Variants in ASNS observed in about 807,000 individuals in gnomAD.
ASNS encodes asparagine synthetase (glutamine-hydrolyzing), also known as asparagine synthetase [glutamine-hydrolyzing].
Under a neutral mutation model 62.6 loss-of-function variants are expected in ASNS, and 37 were observed. That is an observed-to-expected ratio of 0.59 (90% CI 0.45 to 0.78). The LOEUF is 0.78. Ranked by LOEUF, ASNS falls within the 30% of genes least tolerant of loss-of-function variation. ASNS has a pLI of 0.00. For synonymous variants in ASNS, 207 were observed against 237.9 expected (o/e 0.87, Z 1.19); for missense variants, 520 against 682.4 (o/e 0.76, Z 2.65).
At chr7:97,924,152 G>A in the ASNS span, among the ~76,000 whole-genome samples, 1 of 152,054 alleles carries the variant, frequency 6.6e-6, no homozygotes, top group Non-Finnish European at 1.5e-5. Flanking sequence ...AGTACTCCCA[G>A]CACAGTAAGA....
At chr7:97,897,523 A>G in the ASNS span, among the ~76,000 whole-genome samples, 1 of 152,220 alleles carries the variant, frequency 6.6e-6, no homozygotes, top group Non-Finnish European at 1.5e-5. Context: ...AACATCACTA[A>G]TCATCACGGA....
rs1423066539 is a variant in ASNS at position 97,858,422 on chromosome 7, A to G, written c.776-17T>C. ...CCAAGCCCCCTACATGCAAAAGAGG[A>G]AGTGGAAGTGTCCTAGTTATGTGCC... On this transcript the variant is annotated splice_polypyrimidine_tract_variant and intron_variant, in intron 6 of 12. Transcript: ENST00000394308. 6.2e-7 allele frequency: 1 copy of G among 1,613,998 alleles called. No individual in the cohort carries two copies. Among genetic ancestry groups the G allele is most frequent in the Admixed American group, 1.7e-5 (1 of 60,006 alleles).
the ASNS span, among the ~76,000 whole-genome samples, chr7:97,898,190 G>C: frequency 6.6e-6 from 1 of 152,068 alleles, no homozygotes; most frequent in African/African-American, 2.4e-5. Flanking sequence ...TGTCTCCCGC[G>C]TTCAAGTGAT....
chr7:97,888,267 C>G, the ASNS span, among the ~76,000 whole-genome samples: 12 of 152,142 alleles, frequency 7.9e-5, no homozygotes, highest in African/African-American at 2.9e-4. Flanking sequence ...AGCCACCACA[C>G]CCAGCCTCTT....
At chr7:97,891,197 T>C in the ASNS span, among the ~76,000 whole-genome samples, 1 of 152,280 alleles carries the variant, frequency 6.6e-6, no homozygotes, top group Non-Finnish European at 1.5e-5. Flanking sequence ...CAATCAAAGA[T>C]AGAGCTTCTG....
At chr7:97,925,908 A>G in the ASNS span, among the ~76,000 whole-genome samples, 1 of 152,082 alleles carries the variant, frequency 6.6e-6, no homozygotes, top group African/African-American at 2.4e-5. Context: ...GGTCAGACAC[A>G]CCCTGGGATC....
chr7:97,857,635 A>C (rs1157715595), intron 7 of ASNS, among the ~76,000 whole-genome samples: 2 of 150,596 alleles, frequency 1.3e-5, no homozygotes, highest in African/African-American at 2.5e-5. Flanking sequence ...AAAAAAAAAA[A>C]AACGAACAAA....
the ASNS span, chr7:97,912,966 C>T: frequency 6.6e-6 from 1 of 152,054 alleles, no homozygotes; most frequent in South Asian, 2.1e-4. Context: ...AAGAAGAACA[C>T]TTTGCATTCA....
intron 4 of ASNS, chr7:97,863,611 C>G (rs1484540240): frequency 6.6e-6 from 1 of 152,400 alleles, no homozygotes; most frequent in Non-Finnish European, 1.5e-5. Context: ...TTCAAGGCTG[C>G]ACTGAGCTAT....
At chr7:97,909,848 C>T in the ASNS span, among the ~76,000 whole-genome samples, 5 of 151,612 alleles carry the variant, frequency 3.3e-5, no homozygotes, top group South Asian at 2.1e-4. Flanking sequence ...TAACTCATGG[C>T]AAACACAACT....
chr7:97,915,862 C>A, the ASNS span, among the ~76,000 whole-genome samples: 1 of 152,160 alleles, frequency 6.6e-6, no homozygotes. Context: ...GAAATCGAGA[C>A]CCTCTCTGTA....
chr7:97,876,962 A>G (rs546665613), upstream of ASNS, among the ~76,000 whole-genome samples: 75 of 152,202 alleles, frequency 4.9e-4, no homozygotes, highest in Non-Finnish European at 4.7e-4. Flanking sequence ...AAATTCTATC[A>G]CTTTCCTGAG....
the ASNS span, chr7:97,928,372 G>C: frequency 4.0e-5 from 35 of 867,636 alleles, no homozygotes; most frequent in Middle Eastern, 3.4e-4. Context: ...GAGCTGGGGC[G>C]TCTGAGCGCG....
chr7:97,868,118 G>A (rs1384826291), intron 3 of ASNS, among the ~76,000 whole-genome samples: 1 of 152,128 alleles, frequency 6.6e-6, no homozygotes, highest in Non-Finnish European at 1.5e-5. Context: ...GACCACCCTG[G>A]GCAACATGGT....
At chr7:97,878,875 C>T in the ASNS span, among the ~76,000 whole-genome samples, 4 of 152,114 alleles carry the variant, frequency 2.6e-5, no homozygotes, top group African/African-American at 4.8e-5. Context: ...GGAGGCATCA[C>T]GCTACCTGAC....
At chr7:97,909,650 C>T in the ASNS span, among the ~76,000 whole-genome samples, 13 of 151,456 alleles carry the variant, frequency 8.6e-5, no homozygotes, top group African/African-American at 2.9e-4. Context: ...ATACCCACTC[C>T]GCAGAAGTCA....
chr7:97,902,054 G>A, the ASNS span, among the ~76,000 whole-genome samples: 2 of 152,178 alleles, frequency 1.3e-5, no homozygotes, highest in African/African-American at 4.8e-5. Context: ...ATGGGTGTAT[G>A]TTAAGAGCAT....
In ASNS at chr7:97,854,627, G is replaced by A. The variant is rs776139347; in HGVS notation, c.1191C>T (p.Leu397=). Residue 397 remains leucine (L), a synonymous_variant, in exon 10 of 13, where the codon CTC becomes CTT. Coordinates refer to ENST00000394308, the MANE Select transcript of ASNS (RefSeq NM_001673.5). The part of the protein sequence containing the change: ...EEESERLLRE[L]YLFDVLRADR... ...CTGCGCGGAGAACATCAAACAAATA[G>A]AGTTCCCTCAGAAGCCTCTCACTCT... The A allele has an allele frequency of 6.2e-7, 1 of 1,614,122 alleles. No homozygotes were observed. The highest frequency in any genetic ancestry group is 1.1e-5 in the South Asian group (1 of 91,082).
At chr7:97,889,943 A>AAAAAAAAAAAAAAAAAAAG in the ASNS span, among the ~76,000 whole-genome samples, 1 of 149,390 alleles carries the variant, frequency 6.7e-6, no homozygotes, top group Non-Finnish European at 1.5e-5. Context: ...AAAAAAAAAA[A>AAAAAAAAAAAAAAAAAAAG]AAAAAAAACC....
Sources: allele counts gnomAD v4.1 joint callset (sites outside exome capture counted in the v4.1 genomes callset), GRCh38; gene constraint gnomAD v4.1.1; transcripts MANE v1.5; gene names NCBI Gene and HGNC (gene_info 2026-07-23, HGNC 2026-07-21).